Variants in ARMC2 observed in about 807,000 individuals in gnomAD.
The protein encoded by ARMC2 is armadillo repeat containing 2.
ARMC2 carries 67 observed loss-of-function variants against 90.3 expected under a neutral mutation model. The observed-to-expected ratio is 0.74, with a 90% CI of 0.61 to 0.91. The LOEUF is 0.91. Among genes scored for constraint, ARMC2 ranks in the 40% least tolerant of loss-of-function variants. The pLI, the probability that ARMC2 is intolerant of heterozygous loss-of-function variation, is 0.00. For missense variants in ARMC2, 920 were observed against 1,030.9 expected, an observed-to-expected ratio of 0.89 and a Z score of 1.47; for synonymous variants, 393 against 393.0, an observed-to-expected ratio of 1.00 and a Z score of 0.00.
chr6:109,001,551 T>C, the ARMC2 span: 8 of 1,339,704 alleles, frequency 6.0e-6, no homozygotes, highest in South Asian at 7.4e-5. Context: ...GAAGAAAATA[T>C]ACATGCGCTA....
intron 10 of ARMC2, among the ~76,000 whole-genome samples, chr6:108,924,545 T>C (rs1031293591): frequency 3.7e-4 from 56 of 151,476 alleles, no homozygotes; most frequent in Non-Finnish European, 7.7e-4. Context: ...GGTGGCAAAG[T>C]GTAATCGAGG....
downstream of ARMC2, among the ~76,000 whole-genome samples, chr6:108,977,456 T>A (rs767182740): frequency 3.3e-5 from 5 of 152,148 alleles, no homozygotes; most frequent in Admixed American, 1.3e-4. Context: ...GGCCTTAAAT[T>A]TTCTTTTTTT....
intron 2 of ARMC2, among the ~76,000 whole-genome samples, chr6:108,856,131 G>T (rs1004245313): frequency 6.6e-6 from 1 of 152,030 alleles, no homozygotes; most frequent in Non-Finnish European, 1.5e-5. Context: ...ATCGCAATAC[G>T]CAAGGTTTTC....
the ARMC2 span, among the ~76,000 whole-genome samples, chr6:109,043,056 C>T: frequency 6.6e-6 from 1 of 152,056 alleles, no homozygotes; most frequent in Admixed American, 6.6e-5. Context: ...AAAATCAATG[C>T]AATCTACCAT....
chr6:108,884,055 CT>C (rs1323168387), intron 5 of ARMC2, among the ~76,000 whole-genome samples: 7 of 152,016 alleles, frequency 4.6e-5, no homozygotes, highest in East Asian at 3.8e-4. Flanking sequence ...AGTCATTATT[CT>C]TTTAAGATTT....
intron 8 of ARMC2, among the ~76,000 whole-genome samples, chr6:108,906,533 G>A (rs1432870793): frequency 6.6e-6 from 1 of 151,826 alleles, no homozygotes; most frequent in Non-Finnish European, 1.5e-5. Flanking sequence ...CAGGGCTGGA[G>A]TACAGTGGCG....
At chr6:108,988,428 T>C in the ARMC2 span, 3 of 881,210 alleles carry the variant, frequency 3.4e-6, no homozygotes, top group Non-Finnish European at 3.3e-6. Context: ...TCCTGGAATG[T>C]TTTTCTTTGG....
At chr6:108,855,982 T>C (rs1022542095) in intron 2 of ARMC2, among the ~76,000 whole-genome samples, 3 of 152,238 alleles carry the variant, frequency 2.0e-5, no homozygotes, top group African/African-American at 7.2e-5. Context: ...TTTGCAAATG[T>C]TGTCTCCTGC....
intron 4 of ARMC2, among the ~76,000 whole-genome samples, chr6:108,870,116 A>G (rs1471547580): frequency 6.6e-6 from 1 of 152,162 alleles, no homozygotes; most frequent in African/African-American, 2.4e-5. Context: ...TCCATCAACA[A>G]GATTTGATGA....
chr6:108,870,894 C>A (rs1038244025), intron 4 of ARMC2, among the ~76,000 whole-genome samples: 3 of 146,052 alleles, frequency 2.1e-5, no homozygotes, highest in African/African-American at 7.7e-5. Flanking sequence ...GACAGGAGAA[C>A]AAATAAGTAA....
intron 1 of ARMC2, among the ~76,000 whole-genome samples, chr6:108,850,764 C>T (rs1773923514): frequency 6.6e-6 from 1 of 152,154 alleles, no homozygotes; most frequent in Non-Finnish European, 1.5e-5. Context: ...TAAGTGTTGA[C>T]CTTCAGCTGT....
chr6:108,855,483 C>T (rs975491611), intron 2 of ARMC2, among the ~76,000 whole-genome samples: 1 of 152,074 alleles, frequency 6.6e-6, no homozygotes, highest in African/African-American at 2.4e-5. Context: ...GATCTCCTGA[C>T]CTCATGATCC....
chr6:108,982,671 G>C, the ARMC2 span, among the ~76,000 whole-genome samples: 31 of 152,324 alleles, frequency 2.0e-4, no homozygotes, highest in African/African-American at 6.7e-4. Flanking sequence ...CCACCCTGAT[G>C]AGTGTGAGGT....
At chr6:108,900,704 T>C (rs1772048465) in intron 7 of ARMC2, among the ~76,000 whole-genome samples, 1 of 152,182 alleles carries the variant, frequency 6.6e-6, no homozygotes, top group Non-Finnish European at 1.5e-5. Flanking sequence ...TCATGGTTAA[T>C]GTGGGAGCCC....
downstream of ARMC2, among the ~76,000 whole-genome samples, chr6:108,976,989 T>C (rs1778994858): frequency 6.6e-6 from 1 of 152,212 alleles, no homozygotes; most frequent in African/African-American, 2.4e-5. Context: ...CTGAATACCC[T>C]TTATTTCTTT....
chr6:108,989,249 C>T, the ARMC2 span, among the ~76,000 whole-genome samples: 2 of 152,128 alleles, frequency 1.3e-5, no homozygotes, highest in African/African-American at 4.8e-5. Flanking sequence ...GTGATCTGCC[C>T]GCCTTGGCTT....
rs142255179 is a variant in ARMC2, at chr6:108,904,481, A to G, written c.1023+76A>G. 8.1e-4 allele frequency: 1,066 copies of G among 1,313,306 alleles called. 7 individuals carry two copies. In the African/African-American group the frequency reaches 0.014, roughly 18 times the overall value. 81.4% of individuals were successfully genotyped at this position (1,313,306 alleles called of 1,614,324 possible). A position where few individuals can be genotyped will look rare whatever the true frequency, so the allele number is the denominator to read the frequency against. ...GTTTAATGCTTTATTTTTAAATATT[A>G]CAAAGAATATTAGAAATGCAGTGTA... is the stretch of plus-strand genomic sequence containing the variant. On this transcript the variant is annotated intron_variant, in intron 8 of 17. Transcript: ENST00000392644.
the ARMC2 span, among the ~76,000 whole-genome samples, chr6:109,004,853 A>C: frequency 2.0e-5 from 3 of 152,230 alleles, no homozygotes; most frequent in Non-Finnish European, 2.9e-5. Flanking sequence ...TCTTCCTCCA[A>C]AAAGATTGCT....
chr6:109,026,795 G>A, the ARMC2 span, among the ~76,000 whole-genome samples: 10 of 152,192 alleles, frequency 6.6e-5, no homozygotes, highest in South Asian at 2.1e-4. Context: ...GAGCCACTGC[G>A]CCCGGCCAGG....
Sources: allele counts gnomAD v4.1 joint callset (sites outside exome capture counted in the v4.1 genomes callset), GRCh38; gene constraint gnomAD v4.1.1; transcripts MANE v1.5; gene names NCBI Gene and HGNC (gene_info 2026-07-23, HGNC 2026-07-21).